The following CLEC16A variants were observed in gnomAD, a reference collection of about 807,000 sequenced individuals.
CLEC16A encodes the protein protein CLEC16A.
Under a neutral mutation model 109.5 loss-of-function variants are expected in CLEC16A, and 51 were observed. The ratio of observed to expected loss-of-function variants is 0.47; its 90% confidence interval spans 0.37 to 0.59. The LOEUF (loss-of-function observed/expected upper bound fraction) is 0.59. CLEC16A is among the 20% of genes least tolerant of loss of function. CLEC16A has a pLI of 0.00. For missense variants in CLEC16A, 1,339 were observed against 1,394.0 expected (o/e 0.96, Z 0.63); for synonymous variants, 673 against 564.2 (o/e 1.19, Z -2.73).
intron 18 of CLEC16A, among the ~76,000 whole-genome samples, chr16:11,053,692 A>G (rs954387801): frequency 1.3e-5 from 2 of 152,176 alleles, no homozygotes; most frequent in East Asian, 1.9e-4. Flanking sequence ...AAATTGATGC[A>G]TGGAGAGGTC....
chr16:11,127,308 C>T (rs2052894870), intron 22 of CLEC16A, among the ~76,000 whole-genome samples: 1 of 152,164 alleles, frequency 6.6e-6, no homozygotes, highest in Non-Finnish European at 1.5e-5. Flanking sequence ...GGTATTTTGT[C>T]ATATGGATGG....
chr16:11,109,016 C>G (rs1336817260), intron 19 of CLEC16A, among the ~76,000 whole-genome samples: 2 of 146,314 alleles, frequency 1.4e-5, no homozygotes, highest in East Asian at 4.1e-4. Context: ...GAGGCTGAGG[C>G]AGGAGAATGG....
intron 18 of CLEC16A, among the ~76,000 whole-genome samples, chr16:11,052,884 TTTGTTG>T (rs148444157): frequency 4.0e-3 from 603 of 150,974 alleles, no homozygotes; most frequent in Non-Finnish European, 5.5e-3. Context: ...ACTTTGCCTT[TTTGTTG>T]TTGTTGTTGT....
At chr16:10,964,215 C>G (rs2042392997) in intron 3 of CLEC16A, among the ~76,000 whole-genome samples, 1 of 152,248 alleles carries the variant, frequency 6.6e-6, no homozygotes, top group Non-Finnish European at 1.5e-5. Context: ...GCTGCTGCCT[C>G]AGAGACGCCT....
chr16:11,028,694 A>G (rs1342071812), intron 13 of CLEC16A, among the ~76,000 whole-genome samples: 1 of 152,200 alleles, frequency 6.6e-6, no homozygotes, highest in African/African-American at 2.4e-5. Context: ...ATTTTGGGAC[A>G]TGTATGGATA....
intron 3 of CLEC16A, among the ~76,000 whole-genome samples, chr16:10,963,868 G>A (rs767645012): frequency 6.6e-5 from 10 of 152,206 alleles, no homozygotes; most frequent in African/African-American, 2.4e-4. Context: ...GAGGGTAGGG[G>A]TGCTGCTAAG....
intron 7 of CLEC16A, among the ~76,000 whole-genome samples, chr16:10,975,941 T>C (rs1296105773): frequency 6.6e-6 from 1 of 152,022 alleles, no homozygotes; most frequent in South Asian, 2.1e-4. Context: ...CATGAGCCAC[T>C]GCACCCAGCT....
chr16:11,077,175 T>C (rs569966094), intron 19 of CLEC16A, among the ~76,000 whole-genome samples: 3 of 151,098 alleles, frequency 2.0e-5, no homozygotes, highest in East Asian at 2.0e-4. Flanking sequence ...AGAGACCTTT[T>C]CTCTACTAAA....
intron 9 of CLEC16A, among the ~76,000 whole-genome samples, chr16:10,980,907 A>G (rs756079677): frequency 2.0e-5 from 3 of 152,210 alleles, no homozygotes; most frequent in Non-Finnish European, 4.4e-5. Context: ...TTTTACAAGC[A>G]TAGCTAGAAA....
chr16:11,055,605 T>TTTTTC (rs1268458004), intron 18 of CLEC16A, among the ~76,000 whole-genome samples: 22 of 141,402 alleles, frequency 1.6e-4, no homozygotes, highest in African/African-American at 6.1e-4. Context: ...TTTTTTTTTT[T>TTTTTC]TGAGACGAGT....
At chr16:11,093,099 T>G (rs1306855121) in intron 19 of CLEC16A, among the ~76,000 whole-genome samples, 1 of 152,236 alleles carries the variant, frequency 6.6e-6, no homozygotes, top group East Asian at 1.9e-4. Context: ...TCCACTTCCC[T>G]GCTGGCTCCT....
chr16:11,010,813 T>C (rs749883580), intron 11 of CLEC16A, among the ~76,000 whole-genome samples: 1 of 152,258 alleles, frequency 6.6e-6, no homozygotes, highest in Non-Finnish European at 1.5e-5. Flanking sequence ...CTCCGGAACA[T>C]TTCCACGATC....
intron 22 of CLEC16A, among the ~76,000 whole-genome samples, chr16:11,130,739 A>T (rs2053150208): frequency 6.6e-6 from 1 of 152,152 alleles, no homozygotes; most frequent in Non-Finnish European, 1.5e-5. Flanking sequence ...CAGCGCATGG[A>T]GTCCTTGCTT....
intron 10 of CLEC16A, among the ~76,000 whole-genome samples, chr16:10,994,189 G>A (rs994236546): frequency 1.3e-5 from 2 of 152,050 alleles, no homozygotes; most frequent in East Asian, 1.9e-4. Context: ...TAATGGAAGC[G>A]GCCTGCTACC....
intron 22 of CLEC16A, among the ~76,000 whole-genome samples, chr16:11,142,839 C>G (rs1015696039): frequency 2.5e-4 from 38 of 152,164 alleles, no homozygotes; most frequent in Admixed American, 1.9e-3. Context: ...GAGACAGAGT[C>G]TTGCTCTATC....
Position 11,024,923 on chromosome 16 carries a change from T to C in CLEC16A, c.1537+2T>C. 6.3e-7 allele frequency: 1 copy of C among 1,597,846 alleles called. No individual in the cohort carries two copies. Among genetic ancestry groups the C allele is most frequent in the Non-Finnish European group, 8.5e-7 (1 of 1,170,040 alleles). On this transcript the variant is annotated splice_donor_variant, in intron 13 of 23. Transcript: ENST00000409790. LOFTEE classifies it high-confidence loss of function. ...TCTATGCCATGTCTCATAATAAAGG[T>C]AAGCACCCTTGCCTTGCCTGACTTC...
At chr16:11,114,429 C>T (rs1597430085) in intron 19 of CLEC16A, among the ~76,000 whole-genome samples, 2 of 152,224 alleles carry the variant, frequency 1.3e-5, no homozygotes, top group Admixed American at 1.3e-4. Flanking sequence ...GTCAGCTGCA[C>T]TGGCCTCTCC....
chr16:10,998,756 C>T (rs1361878467), intron 10 of CLEC16A, among the ~76,000 whole-genome samples: 2 of 152,164 alleles, frequency 1.3e-5, no homozygotes, highest in Non-Finnish European at 2.9e-5. Context: ...TCAGCAGCAG[C>T]CTGTCCGCCC....
At chr16:11,132,825 C>T (rs949675271) in intron 22 of CLEC16A, among the ~76,000 whole-genome samples, 4 of 152,072 alleles carry the variant, frequency 2.6e-5, no homozygotes, top group East Asian at 1.9e-4. Context: ...CAGTGAATAC[C>T]GATGTGTGGG....
Sources: gnomAD v4.1 joint callset for allele counts (sites outside exome capture counted in the v4.1 genomes callset) on GRCh38, gnomAD v4.1.1 for gene constraint, MANE v1.5 for transcripts, NCBI Gene and HGNC (gene_info 2026-07-23, HGNC 2026-07-21) for gene names.